The following TRAK1 variants were observed in gnomAD, a reference collection of about 807,000 sequenced individuals.
TRAK1 encodes the protein trafficking kinesin-binding protein 1.
A neutral mutation model predicts 92.1 loss-of-function variants in TRAK1; 33 were observed. The ratio of observed to expected loss-of-function variants is 0.36; its 90% CI spans 0.27 to 0.48. The LOEUF is 0.48. Ranked by LOEUF, TRAK1 falls within the 20% of genes least tolerant of loss-of-function variation. The pLI, the probability that TRAK1 is intolerant of heterozygous loss-of-function variation, is 0.99. For missense variants in TRAK1, 1,123 were observed against 1,257.9 expected, an observed-to-expected ratio of 0.89 and a Z score of 1.62; for synonymous variants, 521 against 517.3, an observed-to-expected ratio of 1.01 and a Z score of -0.10.
chr3:42,181,096 C>A (rs986367445), intron 3 of TRAK1, among the ~76,000 whole-genome samples: 2 of 152,200 alleles, frequency 1.3e-5, no homozygotes, highest in African/African-American at 4.8e-5. Flanking sequence ...TTTCTCTTTC[C>A]CTTCCTGTCT....
intron 3 of TRAK1, among the ~76,000 whole-genome samples, chr3:42,177,991 T>G (rs1703442138): frequency 1.3e-5 from 2 of 152,160 alleles, no homozygotes; most frequent in Non-Finnish European, 2.9e-5. Flanking sequence ...CTGTCTTTGG[T>G]GTTAGCCACG....
chr3:42,223,722 A>C lies in TRAK1; in HGVS notation c.2847A>C (p.Gln949His). The stretch of plus-strand genomic sequence containing the variant: ...TGATGGGTGCTAAGCTCTCCAAACA[A>C]ACTAGCTTACGGTGAGGACTGGAGG... ...GILMGAKLSKQTSLR is the reference protein window; with the variant it reads ...GILMGAKLSKHTSLR The change falls in exon 16 of 16, where the codon CAA becomes CAC. Residue 949 changes from glutamine (Q) to histidine (H), a missense_variant. Coordinates refer to ENST00000327628, the MANE Select transcript of TRAK1 (RefSeq NM_001042646.3). The surrounding 1 kb of genome is among the most constrained non-coding windows in gnomAD (Gnocchi z 6.1). The C allele has an allele frequency of 6.2e-7, 1 of 1,605,090 alleles. No individual in the cohort carries two copies. The highest frequency in any genetic ancestry group is 8.5e-7 in the Non-Finnish European group (1 of 1,172,762).
chr3:42,173,426 C>T (rs1702807735), intron 2 of TRAK1, among the ~76,000 whole-genome samples: 3 of 152,192 alleles, frequency 2.0e-5, no homozygotes, highest in Admixed American at 2.0e-4. Context: ...ATTGGTCTCA[C>T]TCTTGCTTCC....
At chr3:42,220,578 G>C (rs531742386) in intron 15 of TRAK1, 1 of 985,434 alleles carries the variant, frequency 1.0e-6, no homozygotes, top group Non-Finnish European at 1.2e-6. Context: ...CTGAGCCCAC[G>C]GGCGAGGCAG....
At chr3:42,204,091 A>G (rs1577000807) in intron 13 of TRAK1, 25 of 985,282 alleles carry the variant, frequency 2.5e-5, no homozygotes, top group Non-Finnish European at 3.0e-5. Context: ...GGTATAGCTT[A>G]CTCTTTTTTA....
intron 2 of TRAK1, among the ~76,000 whole-genome samples, chr3:42,133,253 G>A (rs183848476): frequency 4.6e-5 from 7 of 152,056 alleles, no homozygotes; most frequent in Non-Finnish European, 7.4e-5. Flanking sequence ...AGCCAGCCTC[G>A]TTCCACCCTC....
intron 4 of TRAK1, among the ~76,000 whole-genome samples, chr3:42,187,572 A>G (rs1261640635): frequency 6.6e-6 from 1 of 151,996 alleles, no homozygotes; most frequent in Non-Finnish European, 1.5e-5. Flanking sequence ...TGTTCAAGCA[A>G]TTCTCCTGCC....
chr3:42,019,254 A>C (rs926626279), intron 1 of TRAK1, among the ~76,000 whole-genome samples: 6 of 152,204 alleles, frequency 3.9e-5, no homozygotes, highest in Non-Finnish European at 7.3e-5. Flanking sequence ...GTTGTCCATC[A>C]GTTCCTCTGG....
chr3:42,137,090 G>C (rs1310000558), intron 2 of TRAK1, among the ~76,000 whole-genome samples: 1 of 110,200 alleles, frequency 9.1e-6, no homozygotes, highest in African/African-American at 3.4e-5. Flanking sequence ...TTTTTTTCTA[G>C]ATTTTTTTTT....
At chr3:42,207,465 A>G (rs1275615174) in intron 13 of TRAK1, among the ~76,000 whole-genome samples, 1 of 152,138 alleles carries the variant, frequency 6.6e-6, no homozygotes, top group East Asian at 1.9e-4. Context: ...AACCCATCAA[A>G]TGGGTTAGTT....
intron 2 of TRAK1, among the ~76,000 whole-genome samples, chr3:42,172,221 TGCCTG>T (rs1702657273): frequency 6.6e-6 from 1 of 152,226 alleles, no homozygotes. Flanking sequence ...GGCAGCCCTC[TGCCTG>T]GCACATTATT....
intron 13 of TRAK1, among the ~76,000 whole-genome samples, chr3:42,207,779 C>T (rs1314034184): frequency 6.6e-6 from 1 of 152,158 alleles, no homozygotes; most frequent in Non-Finnish European, 1.5e-5. Flanking sequence ...ATGCACACTT[C>T]CTTTAGGAAG....
chr3:42,105,201 G>A (rs1164407668), intron 1 of TRAK1, among the ~76,000 whole-genome samples: 8 of 152,032 alleles, frequency 5.3e-5, no homozygotes, highest in South Asian at 4.1e-4. Context: ...TGATCCACCC[G>A]CCTCGGCCTC....
intron 13 of TRAK1, among the ~76,000 whole-genome samples, chr3:42,206,447 G>A (rs1248009878): frequency 2.0e-5 from 3 of 152,230 alleles, no homozygotes; most frequent in African/African-American, 7.2e-5. Context: ...ACTGCTGAGA[G>A]TTAAGAGAAT....
chr3:42,044,368 C>T (rs1392004442), intron 1 of TRAK1, among the ~76,000 whole-genome samples: 1 of 152,118 alleles, frequency 6.6e-6, no homozygotes, highest in Admixed American at 6.5e-5. Context: ...CACCGTGCTA[C>T]CCGGGCTGGT....
At chr3:42,131,347 C>G (rs1277449656) in intron 2 of TRAK1, among the ~76,000 whole-genome samples, 1 of 152,184 alleles carries the variant, frequency 6.6e-6, no homozygotes, top group Non-Finnish European at 1.5e-5. Context: ...CAGCCTCTTT[C>G]ACCAGTTCTT....
At chr3:42,097,453 T>C (rs1045743139) in intron 1 of TRAK1, among the ~76,000 whole-genome samples, 2 of 152,140 alleles carry the variant, frequency 1.3e-5, no homozygotes, top group African/African-American at 2.4e-5. Context: ...ATGAGCACAT[T>C]TGCTCTTTGC....
intron 1 of TRAK1, among the ~76,000 whole-genome samples, chr3:42,124,967 A>G (rs1036772098): frequency 2.6e-5 from 4 of 152,216 alleles, no homozygotes; most frequent in African/African-American, 9.6e-5. Context: ...TGGATGAATG[A>G]ACAGATGAAT....
intron 2 of TRAK1, among the ~76,000 whole-genome samples, chr3:42,172,040 G>A (rs1418680375): frequency 6.6e-6 from 1 of 152,048 alleles, no homozygotes; most frequent in Admixed American, 6.5e-5. Context: ...CCAGCCCAGG[G>A]CTCCTCGTTT....
Sources: allele counts gnomAD v4.1 joint callset (sites outside exome capture counted in the v4.1 genomes callset), GRCh38; gene constraint gnomAD v4.1.1; non-coding constraint Gnocchi (gnomAD v3.1); transcripts MANE v1.5; gene names NCBI Gene and HGNC (gene_info 2026-07-23, HGNC 2026-07-21).